The following PHKA1 variants were observed in gnomAD, a reference collection of about 807,000 sequenced individuals.
PHKA1 encodes the protein phosphorylase b kinase regulatory subunit alpha, skeletal muscle isoform.
Under a neutral mutation model 110.2 loss-of-function variants are expected in PHKA1, and 60 were observed. The observed-to-expected ratio is 0.54, with a 90% CI of 0.44 to 0.68. The LOEUF (loss-of-function observed/expected upper bound fraction) is 0.68, where lower values mean the gene tolerates loss of function less well. Among genes scored for constraint, PHKA1 ranks in the 30% least tolerant of loss-of-function variants. PHKA1 has a pLI of 0.00. For synonymous variants in PHKA1, 316 were observed against 333.6 expected (o/e 0.95, Z 0.58); for missense variants, 801 against 942.5 (o/e 0.85, Z 1.97).
intron 28 of PHKA1, among the ~76,000 whole-genome samples, chrX:72,599,431 G>C (rs189004859): frequency 5.8e-4 from 65 of 111,443 alleles, no homozygotes; most frequent in African/African-American, 2.0e-3. Context: ...TTTACTAAAT[G>C]AATTCATAAT....
chrX:72,658,741 A>G (rs1556302705), intron 8 of PHKA1, among the ~76,000 whole-genome samples: 2 of 111,945 alleles, frequency 1.8e-5, no homozygotes. Flanking sequence ...GAGTACGGTT[A>G]TGCATATTGG....
rs1271304053 is a variant in PHKA1 at position 72,630,731 on chromosome X, A to T, written c.1715-3682T>A. Among the ~76,000 whole-genome samples the T allele has an allele frequency of 3.6e-5, 4 of 110,475 alleles. No individual in the cohort carries two copies. The Admixed American group carries it at 3.9e-4, about 11-fold the overall frequency. On this transcript the variant is annotated intron_variant, in intron 16 of 31. Coordinates refer to ENST00000373542, the MANE Select transcript of PHKA1 (RefSeq NM_002637.4). ...CAAGATATTTCTTCTTTAATGTTCA[A>T]GAACTTTATTATTATGTGTTTTGAC...
At chrX:72,673,475 A>C (rs2053732711) in intron 6 of PHKA1, among the ~76,000 whole-genome samples, 1 of 112,005 alleles carries the variant, frequency 8.9e-6, no homozygotes, top group African/African-American at 3.2e-5. Context: ...TAAATGGTAA[A>C]AAACTTTAAA....
In PHKA1 at chrX:72,641,853, T is replaced by A. The variant is rs781961588; in HGVS notation, c.1459+2509A>T. Among the ~76,000 whole-genome samples the A allele has an allele frequency of 2.7e-5, 3 of 111,819 alleles. No homozygotes were observed. The South Asian group carries it at 1.1e-3, about 42-fold the overall frequency. On this transcript the variant is annotated intron_variant, in intron 14 of 31. Transcript: ENST00000373542. The stretch of plus-strand genomic sequence containing the variant: ...TGATAAGTCATCAGATGTTGCCTCA[T>A]CTATCACGCTTTTCCTGACTTCCCC...
At chrX:72,692,276 T>C (rs782281639) in intron 4 of PHKA1, among the ~76,000 whole-genome samples, 9 of 112,110 alleles carry the variant, frequency 8.0e-5, no homozygotes, top group African/African-American at 2.6e-4. Context: ...TTTTTATGTC[T>C]ATATTAATAA....
intron 3 of PHKA1, among the ~76,000 whole-genome samples, chrX:72,702,970 G>A (rs1036551701): frequency 9.0e-6 from 1 of 111,691 alleles, no homozygotes; most frequent in African/African-American, 3.3e-5. Flanking sequence ...GCCCATAGTG[G>A]AGGGAGGCCT....
Position 72,608,081 on chromosome X carries a change from G to C in PHKA1, c.2606+1543C>G, listed in dbSNP as rs887740961. Among the ~76,000 whole-genome samples, 4 of 111,451 alleles carry C rather than the reference G, an allele frequency of 3.6e-5. No homozygotes were observed. The Admixed American group carries it at 3.8e-4, about 11-fold the overall frequency. On this transcript the variant is annotated intron_variant, in intron 23 of 31. Transcript: ENST00000373542. ...CTGGGCATGTGTTTGGTCACACTTGGAACCAGAATGTCTGGTCACTGTGCT... is the reference window on the plus strand; with the variant it reads ...CTGGGCATGTGTTTGGTCACACTTGCAACCAGAATGTCTGGTCACTGTGCT...
At chrX:72,650,497 A>G in intron 12 of PHKA1, 29 bp from the exon 13 acceptor site, 1 of 1,107,971 alleles carries the variant, frequency 9.0e-7, no homozygotes, top group Non-Finnish European at 1.2e-6. Flanking sequence ...AAGACAGATT[A>G]TTAAGTCTCA....
chrX:72,650,295 T>C (rs2053413946), intron 13 of PHKA1, 95 bp downstream of exon 13: 2 of 693,372 alleles, frequency 2.9e-6, no homozygotes, highest in South Asian at 2.4e-5. Flanking sequence ...AAGTGCAACA[T>C]ATAGAATAAA....
intron 10 of PHKA1, among the ~76,000 whole-genome samples, chrX:72,654,861 A>AGG (rs1556300475): frequency 7.0e-5 from 7 of 99,787 alleles, no homozygotes; most frequent in African/African-American, 2.6e-4. Flanking sequence ...GCAGTGGCGC[A>AGG]ATCTCGGCTC....
intron 21 of PHKA1, among the ~76,000 whole-genome samples, chrX:72,617,895 A>C (rs951749374): frequency 9.0e-6 from 1 of 111,043 alleles, no homozygotes; most frequent in African/African-American, 3.3e-5. Flanking sequence ...TTATGAGGCC[A>C]GCATTACCCT....
chrX:72,582,642 C>A, intron 30 of PHKA1, 44 bp from the exon 31 acceptor site: 1 of 856,245 alleles, frequency 1.2e-6, no homozygotes, highest in Non-Finnish European at 1.7e-6. Flanking sequence ...AGTCCATCAT[C>A]CAAGAAACAT....
chrX:72,606,133 C>A (rs1169199848), intron 23 of PHKA1, among the ~76,000 whole-genome samples: 3 of 111,401 alleles, frequency 2.7e-5, no homozygotes, highest in African/African-American at 9.8e-5. Flanking sequence ...ATTTCAAGTC[C>A]TCTCTTCTAG....
At chrX:72,644,324 T>C (rs1429089551) in intron 14 of PHKA1, 38 bp downstream of exon 14, 3 of 1,194,883 alleles carry the variant, frequency 2.5e-6, no homozygotes, top group Non-Finnish European at 3.4e-6. Context: ...CTATAATGAA[T>C]AATGCTTTGA....
At chrX:72,664,957 T>A (rs1466051419) in intron 8 of PHKA1, among the ~76,000 whole-genome samples, 1 of 110,737 alleles carries the variant, frequency 9.0e-6, no homozygotes, top group African/African-American at 3.3e-5. Flanking sequence ...AATGCCTACA[T>A]CAAAATAGTA....
chrX:72,655,355 G>A (rs1222447531), intron 10 of PHKA1, among the ~76,000 whole-genome samples: 1 of 111,859 alleles, frequency 8.9e-6, no homozygotes, highest in African/African-American at 3.2e-5. Flanking sequence ...CGAAGCTGCA[G>A]TGAGCCATGA....
intron 18 of PHKA1, 66 bp from the exon 19 acceptor site, chrX:72,620,967 A>G (rs1219446661): frequency 1.8e-6 from 2 of 1,104,520 alleles, no homozygotes; most frequent in African/African-American, 3.6e-5. Flanking sequence ...TTTACAATCT[A>G]CCCCAGCAAA....
At chrX:72,663,547 C>G (rs1333207697) in intron 8 of PHKA1, among the ~76,000 whole-genome samples, 1 of 110,578 alleles carries the variant, frequency 9.0e-6, no homozygotes, top group Non-Finnish European at 1.9e-5. Flanking sequence ...TAGATTCAAA[C>G]CAAAAAATGT....
intron 9 of PHKA1, among the ~76,000 whole-genome samples, chrX:72,656,823 A>T (rs2053502327): frequency 8.9e-6 from 1 of 111,926 alleles, no homozygotes; most frequent in Non-Finnish European, 1.9e-5. Context: ...GAGAATAAGG[A>T]TTCAGAAAAG....
Sources: allele counts gnomAD v4.1 joint callset (sites outside exome capture counted in the v4.1 genomes callset), GRCh38; gene constraint gnomAD v4.1.1; transcripts MANE v1.5; gene names NCBI Gene and HGNC (gene_info 2026-07-23, HGNC 2026-07-21).